Variants in SCHIP1 observed in about 807,000 individuals in gnomAD.
SCHIP1 encodes schwannomin-interacting protein 1.
Under a neutral mutation model 29.7 loss-of-function variants are expected in SCHIP1, and 8 were observed. That is an observed-to-expected ratio of 0.27 (90% CI 0.16 to 0.49). SCHIP1 has a LOEUF of 0.49. SCHIP1 is among the 20% of genes least tolerant of loss of function. The probability of loss-of-function intolerance (pLI) is 0.99; values close to 1 mark genes in which losing one functional copy is unlikely to be tolerated. For synonymous variants in SCHIP1, 76 were observed against 94.9 expected (o/e 0.80, Z 1.16); for missense variants, 193 against 294.6 (o/e 0.66, Z 2.52).
the SCHIP1 span, among the ~76,000 whole-genome samples, chr3:159,330,775 C>T: frequency 1.3e-5 from 2 of 152,104 alleles, no homozygotes; most frequent in Non-Finnish European, 2.9e-5. Context: ...TTTAAAAGAA[C>T]TTCCCTGCCA....
chr3:159,514,211 G>C, the SCHIP1 span, among the ~76,000 whole-genome samples: 2 of 152,028 alleles, frequency 1.3e-5, no homozygotes, highest in African/African-American at 4.8e-5. Context: ...ATGAATGTGC[G>C]TCGGAAAGGC....
chr3:159,571,058 TC>T, the SCHIP1 span, among the ~76,000 whole-genome samples: 1 of 152,198 alleles, frequency 6.6e-6, no homozygotes. Flanking sequence ...GACGGGGTTT[TC>T]TAAATATACA....
At chr3:159,359,412 G>T in the SCHIP1 span, among the ~76,000 whole-genome samples, 118 of 152,216 alleles carry the variant, frequency 7.8e-4, no homozygotes, top group African/African-American at 2.3e-3. Flanking sequence ...CCTTGAGAAA[G>T]TTTCTTAACC....
chr3:159,347,195 A>G, the SCHIP1 span, among the ~76,000 whole-genome samples: 1 of 152,214 alleles, frequency 6.6e-6, no homozygotes, highest in Non-Finnish European at 1.5e-5. Flanking sequence ...ATATGGTTCT[A>G]CATTTATGAC....
At chr3:159,639,259 G>A in the SCHIP1 span, among the ~76,000 whole-genome samples, 78 of 152,054 alleles carry the variant, frequency 5.1e-4, no homozygotes, top group Non-Finnish European at 5.4e-4. Context: ...TCATTTTTCT[G>A]TACCATTTAT....
At chr3:159,520,183 C>T in the SCHIP1 span, among the ~76,000 whole-genome samples, 9 of 150,620 alleles carry the variant, frequency 6.0e-5, no homozygotes, top group Non-Finnish European at 1.0e-4. Context: ...AATGCAAAGA[C>T]GGAGGTAGGC....
At chr3:159,405,227 C>T in the SCHIP1 span, among the ~76,000 whole-genome samples, 1 of 152,108 alleles carries the variant, frequency 6.6e-6, no homozygotes, top group Admixed American at 6.5e-5. Context: ...CTCTTCATTG[C>T]CCAGACACTG....
At chr3:159,723,008 G>C in the SCHIP1 span, among the ~76,000 whole-genome samples, 1 of 152,158 alleles carries the variant, frequency 6.6e-6, no homozygotes, top group South Asian at 2.1e-4. Flanking sequence ...GGAACCTGCT[G>C]TGGCTGCTGA....
At chr3:159,606,641 C>T in the SCHIP1 span, among the ~76,000 whole-genome samples, 2 of 152,240 alleles carry the variant, frequency 1.3e-5, no homozygotes, top group Middle Eastern at 3.4e-3. Flanking sequence ...AAACATGGGC[C>T]AGAAGCTGTT....
the SCHIP1 span, among the ~76,000 whole-genome samples, chr3:159,300,097 C>A: frequency 7.4e-6 from 1 of 135,052 alleles, no homozygotes; most frequent in Non-Finnish European, 1.6e-5. Flanking sequence ...AATATTCTGG[C>A]TCCCAGGGAA....
chr3:159,813,467 G>C, the SCHIP1 span, among the ~76,000 whole-genome samples: 19 of 152,138 alleles, frequency 1.2e-4, no homozygotes, highest in Admixed American at 1.2e-3. Context: ...GAGGCAGGAG[G>C]ATCTCCTAAG....
chr3:159,763,448 C>T, the SCHIP1 span, among the ~76,000 whole-genome samples: 1 of 152,126 alleles, frequency 6.6e-6, no homozygotes, highest in South Asian at 2.1e-4. Context: ...CGGGTGTCGG[C>T]GTGAAAATAC....
chr3:159,806,637 C>A, the SCHIP1 span, among the ~76,000 whole-genome samples: 1 of 152,348 alleles, frequency 6.6e-6, no homozygotes, highest in South Asian at 2.1e-4. Context: ...AAGGCGAGTT[C>A]TGGGGAACAG....
rs74750862 is a variant in SCHIP1 at position 159,887,489 on chromosome 3, A to T, written c.268-219A>T. 9.1e-4 allele frequency: 469 copies of T among 517,668 alleles called. 1 individual carries two copies. The highest frequency in any genetic ancestry group is 8.2e-3 in the African/African-American group (436 of 52,890). The allele number at this position is 517,668 out of a possible 1,614,324, so 32.1% of individuals were successfully genotyped here. A position where few individuals can be genotyped will look rare whatever the true frequency, so the allele number is the denominator to read the frequency against. Reference sequence around the variant, plus strand: ...CAAGGTTGTTGTAAATATATTTCCCATTATTAACTATACTGCTCTCTCTGT... The same window carrying T: ...CAAGGTTGTTGTAAATATATTTCCCTTTATTAACTATACTGCTCTCTCTGT... On this transcript the variant is annotated intron_variant, in intron 3 of 6. Transcript: ENST00000445224.
the SCHIP1 span, among the ~76,000 whole-genome samples, chr3:159,533,392 C>A: frequency 6.6e-6 from 1 of 152,262 alleles, no homozygotes; most frequent in South Asian, 2.1e-4. Flanking sequence ...CAAAAGCACA[C>A]CATCCCAACC....
chr3:159,684,108 T>A, the SCHIP1 span, among the ~76,000 whole-genome samples: 6 of 152,100 alleles, frequency 3.9e-5, no homozygotes, highest in Non-Finnish European at 8.8e-5. Context: ...AATGTGAGTC[T>A]ACACCCCCAA....
chr3:159,510,312 G>T, the SCHIP1 span, among the ~76,000 whole-genome samples: 226 of 152,242 alleles, frequency 1.5e-3, 3 homozygotes, highest in African/African-American at 5.1e-3. Context: ...ATGGTTTTCA[G>T]CTCCATCAAG....
the SCHIP1 span, among the ~76,000 whole-genome samples, chr3:159,278,858 G>A: frequency 6.6e-6 from 1 of 152,162 alleles, no homozygotes; most frequent in Non-Finnish European, 1.5e-5. Context: ...ACTGAAAGGG[G>A]AAGCAATACA....
the SCHIP1 span, among the ~76,000 whole-genome samples, chr3:159,598,964 A>G: frequency 2.0e-5 from 3 of 151,508 alleles, no homozygotes; most frequent in South Asian, 4.1e-4. Flanking sequence ...GAAGGAAATG[A>G]CATTCTTTGC....
Sources: gnomAD v4.1 joint callset for allele counts (sites outside exome capture counted in the v4.1 genomes callset) on GRCh38, gnomAD v4.1.1 for gene constraint, MANE v1.5 for transcripts, NCBI Gene and HGNC (gene_info 2026-07-23, HGNC 2026-07-21) for gene names.